The following ATL1 variants were observed in gnomAD, a reference collection of about 807,000 sequenced individuals.
ATL1 encodes atlastin-1.
In ATL1, 31 loss-of-function variants were observed where a neutral mutation model predicts 75.5. That is an observed-to-expected ratio of 0.41 (90% CI 0.31 to 0.55). ATL1 has a LOEUF of 0.55. Ranked by LOEUF, ATL1 falls within the 20% of genes least tolerant of loss-of-function variation. The pLI, the probability that ATL1 is intolerant of heterozygous loss-of-function variation, is 0.27. For missense variants in ATL1, 405 were observed against 662.6 expected (o/e 0.61, Z 4.27); for synonymous variants, 226 against 233.3 (o/e 0.97, Z 0.28).
At chr14:50,538,361 A>C (rs1034458152) in intron 1 of ATL1, among the ~76,000 whole-genome samples, 31 of 152,186 alleles carry the variant, frequency 2.0e-4, no homozygotes, top group Non-Finnish European at 3.8e-4. Context: ...CGTCTTTATC[A>C]GCAGTGTGAA....
intron 1 of ATL1, among the ~76,000 whole-genome samples, chr14:50,549,671 C>T (rs751584349): frequency 6.6e-6 from 1 of 152,202 alleles, no homozygotes; most frequent in African/African-American, 2.4e-5. Flanking sequence ...AGCTCCCATT[C>T]ATGGGCCACG....
chr14:50,535,148 C>T (rs1056106715), intron 1 of ATL1, among the ~76,000 whole-genome samples: 3 of 152,132 alleles, frequency 2.0e-5, no homozygotes, highest in South Asian at 2.1e-4. Flanking sequence ...TTATAATATA[C>T]GATAATGGTT....
chr14:50,538,027 G>A (rs1461994957), intron 1 of ATL1, among the ~76,000 whole-genome samples: 2 of 152,142 alleles, frequency 1.3e-5, no homozygotes, highest in African/African-American at 2.4e-5. Context: ...AGGGGCCGGG[G>A]GCAGAATGGT....
chr14:50,580,759 T>C (rs2039047897), intron 1 of ATL1, among the ~76,000 whole-genome samples: 1 of 152,150 alleles, frequency 6.6e-6, no homozygotes, highest in African/African-American at 2.4e-5. Context: ...TTCTGTTTCT[T>C]AGAAGTTTGT....
chr14:50,574,891 C>G (rs2038986171), intron 1 of ATL1, among the ~76,000 whole-genome samples: 2 of 103,270 alleles, frequency 1.9e-5, no homozygotes, highest in South Asian at 3.0e-4. Context: ...AAATGTTTTT[C>G]ATTGTTTTCA....
chr14:50,597,220 C>CAAAAAAAAACAAAAAAAAA (rs2039227183), intron 6 of ATL1, among the ~76,000 whole-genome samples: 1 of 108,404 alleles, frequency 9.2e-6, no homozygotes, highest in African/African-American at 4.2e-5. Flanking sequence ...AAAAAACAAA[C>CAAAAAAAAACAAAAAAAAA]AAAAAAAAAA....
intron 1 of ATL1, among the ~76,000 whole-genome samples, chr14:50,561,505 A>T (rs972067618): frequency 6.6e-6 from 1 of 152,244 alleles, no homozygotes; most frequent in African/African-American, 2.4e-5. Flanking sequence ...GAGCTCTTCT[A>T]TAACTGTTTA....
intron 1 of ATL1, among the ~76,000 whole-genome samples, chr14:50,551,670 A>G (rs1167394106): frequency 6.6e-6 from 1 of 152,230 alleles, no homozygotes; most frequent in Non-Finnish European, 1.5e-5. Context: ...CAAAAAGATA[A>G]TATACATGAT....
chr14:50,612,616 T>C (rs1304120423), intron 6 of ATL1, among the ~76,000 whole-genome samples: 1 of 152,186 alleles, frequency 6.6e-6, no homozygotes, highest in African/African-American at 2.4e-5. Context: ...AAATGCCACA[T>C]ACAAAACAGT....
intron 6 of ATL1, among the ~76,000 whole-genome samples, chr14:50,607,241 T>C (rs1253801183): frequency 2.6e-5 from 4 of 151,986 alleles, no homozygotes; most frequent in African/African-American, 7.2e-5. Context: ...ACGTCCAGAA[T>C]TGGCAAAGGA....
At chr14:50,604,607 C>T (rs1379628141) in intron 6 of ATL1, among the ~76,000 whole-genome samples, 1 of 152,012 alleles carries the variant, frequency 6.6e-6, no homozygotes, top group African/African-American at 2.4e-5. Context: ...GAACTATATC[C>T]TTTATACTTT....
intron 6 of ATL1, among the ~76,000 whole-genome samples, chr14:50,608,490 A>G (rs2039335047): frequency 6.6e-6 from 1 of 151,962 alleles, no homozygotes; most frequent in African/African-American, 2.4e-5. Context: ...TTTTTTTGTC[A>G]GAGAGCCAGT....
At position 50,585,577 on chromosome 14, in the gene ATL1, C is replaced by T. The variant is rs939890196; in HGVS notation, c.35-2254C>T. ...CATGAATAGATAATAGTATTAATAA[C>T]AGTCACCATTCATTAAGCATGTACT... is the stretch of plus-strand genomic sequence containing the variant. On this transcript the variant is annotated intron_variant, in intron 1 of 13. Transcript: ENST00000358385. Among the ~76,000 whole-genome samples, 6 of 152,286 alleles carry T rather than the reference C, an allele frequency of 3.9e-5. No individual in the cohort carries two copies. The East Asian group carries it at 9.6e-4, about 24-fold the overall frequency.
chr14:50,609,055 G>GAC lies in ATL1; in HGVS notation c.631-4203_631-4202dup, dbSNP rs201476984. Among the ~76,000 whole-genome samples, 698 of 152,016 alleles carry GAC rather than the reference G, an allele frequency of 4.6e-3. 1 individual carries two copies. Among genetic ancestry groups the GAC allele is most frequent in the Non-Finnish European group, 7.3e-3 (497 of 67,932 alleles). On this transcript the variant is annotated intron_variant, in intron 6 of 13. Coordinates refer to ENST00000358385, the MANE Select transcript of ATL1 (RefSeq NM_015915.5). ...CCATAATCGCACGCCACTTAGAAGTGACCCTGTTTAAGGAAAAAAGATGTG... is the reference window on the plus strand; with the variant it reads ...CCATAATCGCACGCCACTTAGAAGTGACACCCTGTTTAAGGAAAAAAGATGTG...
rs2039210399 is a variant in ATL1, at chr14:50,595,775, T to C, written c.630+143T>C. 1.2e-5 allele frequency: 8 copies of C among 678,142 alleles called. No individual in the cohort carries two copies. The East Asian group carries it at 2.2e-4, about 19-fold the overall frequency. The allele number at this position is 678,142 out of a possible 1,614,324, so 42.0% of individuals were successfully genotyped here. A position where few individuals can be genotyped will look rare whatever the true frequency, so the allele number is the denominator to read the frequency against. ...AACTATTTTATGCTATTTGATGCAA[T>C]ATAGAATGAGATGGAAATGAGGAAA... On this transcript the variant is annotated intron_variant, in intron 6 of 13. Coordinates refer to ENST00000358385, the MANE Select transcript of ATL1 (RefSeq NM_015915.5).
chr14:50,632,122 C>T, intron 13 of ATL1, 107 bp from the exon 14 acceptor site: 1 of 663,508 alleles, frequency 1.5e-6, no homozygotes, highest in Non-Finnish European at 2.5e-6. Flanking sequence ...AAAAAGATTT[C>T]AAATTCAACA....
At chr14:50,569,135 G>C (rs190625418) in intron 1 of ATL1, among the ~76,000 whole-genome samples, 13 of 151,758 alleles carry the variant, frequency 8.6e-5, no homozygotes, top group Non-Finnish European at 1.9e-4. Context: ...AGGACTGCTC[G>C]AGCCCTGGAG....
intron 11 of ATL1, among the ~76,000 whole-genome samples, chr14:50,623,869 G>A (rs1306499324): frequency 6.6e-6 from 1 of 151,870 alleles, no homozygotes; most frequent in African/African-American, 2.4e-5. Context: ...TGGCCAACAT[G>A]GTGAAACCCT....
At chr14:50,595,719 C>G (rs544855760) in intron 6 of ATL1, 87 bp downstream of exon 6, 392 of 1,269,572 alleles carry the variant, frequency 3.1e-4, no homozygotes, top group Non-Finnish European at 4.2e-4. Flanking sequence ...ATGTTTCCTT[C>G]TCTTTTTATT....
Sources: allele counts gnomAD v4.1 joint callset (sites outside exome capture counted in the v4.1 genomes callset), GRCh38; gene constraint gnomAD v4.1.1; transcripts MANE v1.5; gene names NCBI Gene and HGNC (gene_info 2026-07-23, HGNC 2026-07-21).